Variants in SMARCD3 observed in about 807,000 individuals in gnomAD.
SMARCD3 encodes SWI/SNF-related matrix-associated actin-dependent regulator of chromatin subfamily D member 3.
In SMARCD3, 14 loss-of-function variants were observed where a neutral mutation model predicts 58.0. The observed-to-expected ratio is 0.24, with a 90% CI of 0.16 to 0.38. SMARCD3 has a LOEUF of 0.38. SMARCD3 is among the 10% of genes least tolerant of loss of function. The pLI is 1.00. For synonymous variants in SMARCD3, 253 were observed against 253.8 expected, an observed-to-expected ratio of 1.00 and a Z score of 0.03; for missense variants, 408 against 636.9, an observed-to-expected ratio of 0.64 and a Z score of 3.87.
rs560943960 is a variant in SMARCD3 at position 151,239,259 on chromosome 7, A to G, written c.1399-103T>C. 1 of 1,396,476 alleles carries G rather than the reference A, an allele frequency of 7.2e-7. No individual in the cohort carries two copies. The highest frequency in any genetic ancestry group is 1.7e-5 in the Admixed American group (1 of 59,448). 86.5% of individuals were successfully genotyped at this position (1,396,476 alleles called of 1,614,324 possible). A position where few individuals can be genotyped will look rare whatever the true frequency, so the allele number is the denominator to read the frequency against. Reference sequence around the variant, plus strand: ...CTGCCCTGAAAGAGCATCTGGGAGCAGGGAGGGCCATTGCATGGTGAGGCA... The same window carrying G: ...CTGCCCTGAAAGAGCATCTGGGAGCGGGGAGGGCCATTGCATGGTGAGGCA... On this transcript the variant is annotated intron_variant, in intron 12 of 12. Transcript: ENST00000262188. This position sits in a 1 kb window ranked among gnomAD's most constrained non-coding sequence, Gnocchi z 7.0.
chr7:151,250,553 T>C (rs1311906138), upstream of SMARCD3, among the ~76,000 whole-genome samples: 5 of 151,616 alleles, frequency 3.3e-5, no homozygotes, highest in Admixed American at 3.3e-4. Context: ...TCCCTCTGCT[T>C]GTCCAAATCA....
At chr7:151,260,516 G>A (rs919746398) in intron 2 of SMARCD3, among the ~76,000 whole-genome samples, 5 of 152,152 alleles carry the variant, frequency 3.3e-5, no homozygotes, top group African/African-American at 1.2e-4. Context: ...ATGAATGCTA[G>A]TTAAACTTGG....
rs768876621 is a variant in SMARCD3, at chr7:151,242,477, G to T, written c.579+4C>A. On this transcript the variant is annotated splice_donor_region_variant and intron_variant, in intron 5 of 12. Transcript: ENST00000262188. This position sits in a 1 kb window ranked among gnomAD's most constrained non-coding sequence, Gnocchi z 4.7. ...CACCTGGAGAGACCTGGGCCGGGAC[G>T]TACATCATCCAGGAGCTTCCCCTCC... 2 of 1,612,682 alleles carry T rather than the reference G, an allele frequency of 1.2e-6. No homozygotes were observed. The highest frequency in any genetic ancestry group is 2.7e-5 in the African/African-American group (2 of 74,902).
At chr7:151,265,630 C>T (rs1457788100) in intron 2 of SMARCD3, among the ~76,000 whole-genome samples, 1 of 152,204 alleles carries the variant, frequency 6.6e-6, no homozygotes, top group Non-Finnish European at 1.5e-5. Context: ...AAAGCAAGGC[C>T]TCCAAGCAGG....
At chr7:151,240,030 G>A (rs1390377729) in intron 10 of SMARCD3, 82 bp downstream of exon 10, 1 of 1,398,870 alleles carries the variant, frequency 7.1e-7, no homozygotes, top group Middle Eastern at 2.0e-4. Flanking sequence ...CTGCTCATCT[G>A]CAACCACACC....
upstream of SMARCD3, chr7:151,248,736 C>CCACGCCGCCGCCGCCCG: frequency 8.5e-7 from 1 of 1,182,318 alleles, no homozygotes; most frequent in Non-Finnish European, 1.0e-6. The surrounding 1 kb of genome is among the most constrained non-coding windows in gnomAD (Gnocchi z 6.1). Context: ...GGCCCACGGC[C>CCACGCCGCCGCCGCCCG]CACGCCGCCG....
intron 2 of SMARCD3, among the ~76,000 whole-genome samples, chr7:151,259,712 C>T (rs532223193): frequency 1.2e-4 from 17 of 145,306 alleles, no homozygotes; most frequent in African/African-American, 4.1e-4. Context: ...TGGATTCAAG[C>T]GATCCTCCTG....
chr7:151,261,894 C>T lies in SMARCD3; in HGVS notation c.39+13220G>A, dbSNP rs993256803. ...AATTACGGTGGCTCTGGGAGCCCTG[C>T]GGGAAGTGTGGGGTCTACTCAAGCC... is the stretch of plus-strand genomic sequence containing the variant. On this transcript the variant is annotated intron_variant, in intron 2 of 13. Coordinates refer to the SMARCD3 transcript ENST00000356800. Among the ~76,000 whole-genome samples, 7 of 152,232 alleles carry T rather than the reference C, an allele frequency of 4.6e-5. No homozygotes were observed. In the East Asian group the frequency reaches 9.7e-4, roughly 21 times the overall value.
At chr7:151,274,656 G>A (rs1001712565) in intron 2 of SMARCD3, among the ~76,000 whole-genome samples, 30 of 152,224 alleles carry the variant, frequency 2.0e-4, no homozygotes, top group Admixed American at 6.5e-5. Flanking sequence ...CTTCCAGCTC[G>A]CAGAGAGCAT....
intron 8 of SMARCD3, 29 bp from the exon 9 acceptor site, chr7:151,240,551 A>C: frequency 2.0e-6 from 3 of 1,499,168 alleles, no homozygotes; most frequent in Non-Finnish European, 1.9e-6. Flanking sequence ...GGAGAGAGAG[A>C]TCACTCTTCT....
In SMARCD3 at chr7:151,259,611, T is replaced by TTTTTTG. The variant is rs1554490148; in HGVS notation, c.40-13941_40-13940insCAAAAA. ...GGTTACAACCTGAGAGTTTTTTTTTTTTTTTTTTTTTTTTTGAGACGGACT... is the reference window on the plus strand; with the variant it reads ...GGTTACAACCTGAGAGTTTTTTTTTTTTTTTGTTTTTTTTTTTTTTTGAGACGGACT... On this transcript the variant is annotated intron_variant, in intron 2 of 13. Transcript: ENST00000356800. Among the ~76,000 whole-genome samples the TTTTTTG allele has an allele frequency of 7.6e-5, 8 of 105,612 alleles. 1 individual carries two copies. The highest frequency in any genetic ancestry group is 2.7e-4 in the African/African-American group (6 of 21,844). 69.3% of individuals were successfully genotyped at this position (105,612 alleles called of 152,430 possible). A position where few individuals can be genotyped will look rare whatever the true frequency, so the allele number is the denominator to read the frequency against.
chr7:151,248,686 G>T lies in SMARCD3; in HGVS notation c.-124C>A. 3 of 1,426,118 alleles carry T rather than the reference G, an allele frequency of 2.1e-6. No homozygotes were observed. Among genetic ancestry groups the T allele is most frequent in the Non-Finnish European group, 1.9e-6 (2 of 1,079,428 alleles). The allele number at this position is 1,426,118 out of a possible 1,614,324, so 88.3% of individuals were successfully genotyped here. ...GCTGGGCTCTCTCACACTTCTACTC[G>T]AGCGGAGTGGGGAGGGGGCCCCTTC... On this transcript the variant is annotated 5_prime_UTR_variant, in exon 1 of 13. Transcript: ENST00000262188. This position sits in a 1 kb window ranked among gnomAD's most constrained non-coding sequence, Gnocchi z 6.1.
At position 151,241,783 on chromosome 7, in the gene SMARCD3, G is replaced by T; in HGVS notation, c.777+94C>A. On this transcript the variant is annotated intron_variant, in intron 7 of 12. Coordinates refer to ENST00000262188, the MANE Select transcript of SMARCD3 (RefSeq NM_001003801.2). This position sits in a 1 kb window ranked among gnomAD's most constrained non-coding sequence, Gnocchi z 5.3. ...CCCTGGGGAAGGATAGGTTTGGGAG[G>T]GGAAGGAGGTCTCTCAAGATGCACC... 7.2e-7 allele frequency: 1 copy of T among 1,385,078 alleles called. No homozygotes were observed. The highest frequency in any genetic ancestry group is 2.4e-5 in the East Asian group (1 of 41,220). The allele number at this position is 1,385,078 out of a possible 1,614,324, so 85.8% of individuals were successfully genotyped here.
chr7:151,248,701 G>T, upstream of SMARCD3: 1 of 1,379,058 alleles, frequency 7.3e-7, no homozygotes, highest in Non-Finnish European at 9.5e-7. This position sits in a 1 kb window ranked among gnomAD's most constrained non-coding sequence, Gnocchi z 6.1. Flanking sequence ...GAGTGGGGAG[G>T]GGGCCCCTTC....
At chr7:151,261,629 G>T (rs987081778) in intron 2 of SMARCD3, among the ~76,000 whole-genome samples, 10 of 152,194 alleles carry the variant, frequency 6.6e-5, no homozygotes, top group African/African-American at 2.4e-4. Context: ...CTTCCCAGTG[G>T]TCCTGCCTGC....
chr7:151,267,653 T>C (rs989232801), intron 2 of SMARCD3, among the ~76,000 whole-genome samples: 22 of 152,190 alleles, frequency 1.4e-4, no homozygotes, highest in African/African-American at 5.1e-4. Flanking sequence ...GCATTTTGTT[T>C]ATAATTTCAT....
rs191901629 is a variant in SMARCD3, at chr7:151,241,805, C to T, written c.777+72G>A. The T allele has an allele frequency of 7.4e-5, 107 of 1,444,816 alleles. 1 individual carries two copies. The highest frequency in any genetic ancestry group is 5.2e-4 in the Middle Eastern group (3 of 5,782). 89.5% of individuals were successfully genotyped at this position (1,444,816 alleles called of 1,614,324 possible). A position where few individuals can be genotyped will look rare whatever the true frequency, so the allele number is the denominator to read the frequency against. ...GAGGGGAAGGAGGTCTCTCAAGATG[C>T]ACCACTTTGGGACCTAGCCCTGCCC... is the stretch of plus-strand genomic sequence containing the variant. On this transcript the variant is annotated intron_variant, in intron 7 of 12. Coordinates refer to ENST00000262188, the MANE Select transcript of SMARCD3 (RefSeq NM_001003801.2). The surrounding 1 kb of genome is among the most constrained non-coding windows in gnomAD (Gnocchi z 5.3).
At chr7:151,240,652 A>ATGGGAT in intron 8 of SMARCD3, 130 bp from the exon 9 acceptor site, 1 of 471,030 alleles carries the variant, frequency 2.1e-6, no homozygotes, top group Non-Finnish European at 3.8e-6. Flanking sequence ...GCGCATGGGG[A>ATGGGAT]TGGGATTGGG....
intron 2 of SMARCD3, among the ~76,000 whole-genome samples, chr7:151,258,508 T>C (rs1445497110): frequency 1.4e-5 from 2 of 145,660 alleles, no homozygotes; most frequent in East Asian, 2.0e-4. Flanking sequence ...GAGGTTGCAG[T>C]GAGCCAAGAT....
Sources: gnomAD v4.1 joint callset for allele counts (sites outside exome capture counted in the v4.1 genomes callset) on GRCh38, gnomAD v4.1.1 for gene constraint, Gnocchi (gnomAD v3.1) non-coding constraint, MANE v1.5 for transcripts, NCBI Gene and HGNC (gene_info 2026-07-23, HGNC 2026-07-21) for gene names.